The following AP3S1 variants were observed in gnomAD, a reference collection of about 807,000 sequenced individuals.
AP3S1 encodes adaptor related protein complex 3 subunit sigma 1.
AP3S1 carries 12 observed loss-of-function variants against 21.3 expected under a neutral mutation model. The ratio of observed to expected loss-of-function variants is 0.56; its 90% CI spans 0.36 to 0.91. The LOEUF (loss-of-function observed/expected upper bound fraction) is 0.91, where lower values mean the gene tolerates loss of function less well. Among genes scored for constraint, AP3S1 ranks in the 40% least tolerant of loss-of-function variants. The pLI is 0.01. For missense variants in AP3S1, 116 were observed against 225.0 expected, an observed-to-expected ratio of 0.52 and a Z score of 3.10; for synonymous variants, 48 against 78.4, an observed-to-expected ratio of 0.61 and a Z score of 2.05.
chr5:115,866,522 G>T, intron 1 of AP3S1, 148 bp from the exon 2 acceptor site: 5 of 416,024 alleles, frequency 1.2e-5, no homozygotes. Flanking sequence ...TTTTGCTTCT[G>T]TAAGGTATAA....
chr5:115,913,333 C>A lies in AP3S1; in HGVS notation c.454-29C>A. On this transcript the variant is annotated intron_variant, in intron 5 of 5. Coordinates refer to ENST00000316788, the MANE Select transcript of AP3S1 (RefSeq NM_001284.4). ...GAGCTACACCTGAGTTGTACATTTTCTTTTTCTTTTATTTGCTTCTGTATA... is the reference window on the plus strand; with the variant it reads ...GAGCTACACCTGAGTTGTACATTTTATTTTTCTTTTATTTGCTTCTGTATA... 2.7e-6 allele frequency: 3 copies of A among 1,103,392 alleles called. No homozygotes were observed. In the South Asian group the frequency reaches 8.3e-5, roughly 30 times the overall value. 68.4% of individuals were successfully genotyped at this position (1,103,392 alleles called of 1,614,324 possible).
chr5:115,876,936 G>A (rs1561498066), intron 3 of AP3S1, among the ~76,000 whole-genome samples: 1 of 152,128 alleles, frequency 6.6e-6, no homozygotes, highest in African/African-American at 2.4e-5. Flanking sequence ...GGTTAAGTTT[G>A]AGTCCAACAG....
At chr5:115,883,613 C>G (rs1463354541) in intron 3 of AP3S1, among the ~76,000 whole-genome samples, 1 of 152,242 alleles carries the variant, frequency 6.6e-6, no homozygotes, top group Non-Finnish European at 1.5e-5. Context: ...CTGCGTTGAT[C>G]TCGCTGGGAG....
At chr5:115,845,836 CAAAAAAAAAAAAAAAAAAAAAAAA>C (rs755171274) in intron 1 of AP3S1, among the ~76,000 whole-genome samples, 4 of 34,432 alleles carry the variant, frequency 1.2e-4, no homozygotes, top group Admixed American at 1.0e-3. Flanking sequence ...GACTCCATCT[CAAAAAAAAAAAAAAAAAAAAAAAA>C]AAAAAAAAAA....
chr5:115,877,433 T>A (rs970479479), intron 3 of AP3S1, among the ~76,000 whole-genome samples: 2 of 152,176 alleles, frequency 1.3e-5, no homozygotes, highest in Non-Finnish European at 2.9e-5. Context: ...CTCCCACTTA[T>A]GAATGAGAAC....
At chr5:115,890,367 A>G (rs1478048694) in intron 3 of AP3S1, among the ~76,000 whole-genome samples, 1 of 152,212 alleles carries the variant, frequency 6.6e-6, no homozygotes, top group African/African-American at 2.4e-5. Context: ...AAATCTCACA[A>G]AAAATAACAA....
At chr5:115,854,339 G>C (rs1490704999) in intron 1 of AP3S1, among the ~76,000 whole-genome samples, 1 of 152,118 alleles carries the variant, frequency 6.6e-6, no homozygotes, top group Non-Finnish European at 1.5e-5. Flanking sequence ...GTACTTTTTT[G>C]TGCATGCTAA....
chr5:115,905,428 T>C (rs1313935328), intron 5 of AP3S1, among the ~76,000 whole-genome samples: 1 of 152,220 alleles, frequency 6.6e-6, no homozygotes, highest in African/African-American at 2.4e-5. Context: ...ATAATTGTTA[T>C]CTGGTACCAA....
chr5:115,852,338 C>T (rs1159711644), intron 1 of AP3S1, among the ~76,000 whole-genome samples: 1 of 152,092 alleles, frequency 6.6e-6, no homozygotes, highest in Non-Finnish European at 1.5e-5. Context: ...AGTCCTCAAA[C>T]ACTCTTCCAC....
intron 1 of AP3S1, among the ~76,000 whole-genome samples, chr5:115,850,916 G>A (rs1762394658): frequency 6.6e-6 from 1 of 152,082 alleles, no homozygotes; most frequent in South Asian, 2.1e-4. Flanking sequence ...GACATGGAGT[G>A]GGCTGATACT....
chr5:115,868,542 T>C (rs1053178905), intron 2 of AP3S1, among the ~76,000 whole-genome samples: 4 of 152,148 alleles, frequency 2.6e-5, no homozygotes, highest in African/African-American at 7.2e-5. Context: ...CCTTGGGAAG[T>C]TGTTTCTACA....
At position 115,903,669 on chromosome 5, in the gene AP3S1, A is replaced by C. The variant is rs529142593; in HGVS notation, c.453+677A>C. ...GTTAGATTCAACCTTAGATGGGATA[A>C]ATGAGGAACAGCCAGCACTTTAGCA... is the stretch of plus-strand genomic sequence containing the variant. On this transcript the variant is annotated intron_variant, in intron 5 of 5. Coordinates refer to ENST00000316788, the MANE Select transcript of AP3S1 (RefSeq NM_001284.4). 4 of 152,322 alleles carry C rather than the reference A, an allele frequency of 2.6e-5. No individual in the cohort carries two copies. The South Asian group carries it at 6.2e-4, about 24-fold the overall frequency. The allele number at this position is 152,322 out of a possible 1,614,324, so 9.4% of individuals were successfully genotyped here.
At chr5:115,887,831 T>C (rs1749932708) in intron 3 of AP3S1, among the ~76,000 whole-genome samples, 1 of 152,108 alleles carries the variant, frequency 6.6e-6, no homozygotes, top group Non-Finnish European at 1.5e-5. Flanking sequence ...AATAGATACC[T>C]GTTACTCTTT....
At chr5:115,865,602 A>AT (rs1030538958) in intron 1 of AP3S1, among the ~76,000 whole-genome samples, 1 of 152,106 alleles carries the variant, frequency 6.6e-6, no homozygotes, top group Non-Finnish European at 1.5e-5. Context: ...CGTTGTCAAC[A>AT]TTTTTTACTA....
intron 1 of AP3S1, among the ~76,000 whole-genome samples, chr5:115,846,753 C>G (rs535411916): frequency 1.4e-3 from 219 of 152,162 alleles, no homozygotes; most frequent in African/African-American, 5.1e-3. Flanking sequence ...TATCAACACT[C>G]CTGAGTATGA....
intron 1 of AP3S1, among the ~76,000 whole-genome samples, chr5:115,844,649 T>C (rs1761926674): frequency 1.3e-5 from 2 of 152,150 alleles, no homozygotes; most frequent in South Asian, 4.1e-4. Context: ...TAGGGCGTCA[T>C]TCTATTCTTG....
intron 5 of AP3S1, among the ~76,000 whole-genome samples, chr5:115,906,157 C>A (rs572442751): frequency 3.3e-4 from 50 of 152,024 alleles, no homozygotes; most frequent in South Asian, 8.3e-4. Flanking sequence ...GACTCCGTCT[C>A]AAAAACAAAC....
At chr5:115,908,599 A>G (rs1008272513) in intron 5 of AP3S1, among the ~76,000 whole-genome samples, 9 of 152,110 alleles carry the variant, frequency 5.9e-5, no homozygotes, top group African/African-American at 1.9e-4. Context: ...GGCAAATCCT[A>G]TGTTTGAAAT....
At chr5:115,892,899 G>T (rs1191347970) in intron 3 of AP3S1, among the ~76,000 whole-genome samples, 3 of 152,166 alleles carry the variant, frequency 2.0e-5, no homozygotes, top group Non-Finnish European at 4.4e-5. Context: ...TGCATTGCAT[G>T]CCTGTATCAA....
Sources: allele counts gnomAD v4.1 joint callset (sites outside exome capture counted in the v4.1 genomes callset), GRCh38; gene constraint gnomAD v4.1.1; transcripts MANE v1.5; gene names NCBI Gene and HGNC (gene_info 2026-07-23, HGNC 2026-07-21).